The following TGFBR1 variants were observed in gnomAD, a reference collection of about 807,000 sequenced individuals.
TGFBR1 encodes the protein TGF-beta receptor type-1.
Under a neutral mutation model 55.1 loss-of-function variants are expected in TGFBR1, and 20 were observed. The ratio of observed to expected loss-of-function variants is 0.36; its 90% CI spans 0.26 to 0.53. TGFBR1 has a LOEUF of 0.53. TGFBR1 is among the 20% of genes least tolerant of loss of function. TGFBR1 has a pLI of 0.91. For synonymous variants in TGFBR1, 220 were observed against 214.8 expected (o/e 1.02, Z -0.21); for missense variants, 385 against 617.6 (o/e 0.62, Z 3.99).
chr9:99,152,986 T>C lies in TGFBR1; in HGVS notation c.*3681T>C, dbSNP rs932330817. ...TATGGTTAATAACATTCAACCTGTT[T>C]ATTACAACTTAAAAGGAACTTCAGT... On this transcript the variant is annotated 3_prime_UTR_variant, in exon 9 of 9. Coordinates refer to ENST00000374994, the MANE Select transcript of TGFBR1 (RefSeq NM_004612.4). 5 of 228,886 alleles carry C rather than the reference T, an allele frequency of 2.2e-5. No individual in the cohort carries two copies. Among genetic ancestry groups the C allele is most frequent in the African/African-American group, 1.1e-4 (5 of 45,146 alleles). 14.2% of individuals were successfully genotyped at this position (228,886 alleles called of 1,614,324 possible). A position where few individuals can be genotyped will look rare whatever the true frequency, so the allele number is the denominator to read the frequency against.
intron 4 of TGFBR1, among the ~76,000 whole-genome samples, chr9:99,142,312 ACT>A (rs1168123102): frequency 6.6e-6 from 1 of 152,186 alleles, no homozygotes; most frequent in Non-Finnish European, 1.5e-5. Context: ...GATTAATTAT[ACT>A]TGCCTTATCT....
At chr9:99,139,098 C>A (rs982928162) in intron 4 of TGFBR1, among the ~76,000 whole-genome samples, 12 of 151,860 alleles carry the variant, frequency 7.9e-5, no homozygotes, top group Non-Finnish European at 1.3e-4. Context: ...GCCCAGCCCC[C>A]ACGATTCCTA....
At position 99,153,907 on chromosome 9, in the gene TGFBR1, A is replaced by G. The variant is rs200142533; in HGVS notation, c.*4602A>G. 7 of 214,418 alleles carry G rather than the reference A, an allele frequency of 3.3e-5. No individual in the cohort carries two copies. Among genetic ancestry groups the G allele is most frequent in the Admixed American group, 5.8e-5 (1 of 17,096 alleles). The allele number at this position is 214,418 out of a possible 1,614,324, so 13.3% of individuals were successfully genotyped here. ...ATTGGGGCATGATGGACCTGTCTAC[A>G]GGTGATCTCTGTTGCCTTTGGGTCA... On this transcript the variant is annotated 3_prime_UTR_variant, in exon 9 of 9. Transcript: ENST00000374994.
At position 99,147,641 on chromosome 9, in the gene TGFBR1, T is replaced by A. The variant is rs200979110; in HGVS notation, c.1256-13T>A. The stretch of plus-strand genomic sequence containing the variant: ...AAATTCATCAAAATTTAATTTTTTT[T>A]AAACTGATACAGGAATTCATGAAGA... On this transcript the variant is annotated splice_polypyrimidine_tract_variant and intron_variant, in intron 7 of 8. Coordinates refer to ENST00000374994, the MANE Select transcript of TGFBR1 (RefSeq NM_004612.4). 26 of 1,611,412 alleles carry A rather than the reference T, an allele frequency of 1.6e-5. No individual in the cohort carries two copies. The highest frequency in any genetic ancestry group is 2.7e-5 in the African/African-American group (2 of 74,884).
At chr9:99,114,928 ATTACT>A (rs1321999916) in intron 1 of TGFBR1, among the ~76,000 whole-genome samples, 1 of 152,062 alleles carries the variant, frequency 6.6e-6, no homozygotes, top group Non-Finnish European at 1.5e-5. Context: ...GTTCGGAATG[ATTACT>A]TTAGGAGAGA....
chr9:99,110,378 T>TA (rs1826532383), intron 1 of TGFBR1, among the ~76,000 whole-genome samples: 1 of 152,202 alleles, frequency 6.6e-6, no homozygotes, highest in African/African-American at 2.4e-5. Flanking sequence ...CCATGGCTAA[T>TA]ACGGCATCAT....
In TGFBR1 at chr9:99,132,497, G is replaced by GC; in HGVS notation, c.344-9dup. 1 of 1,613,746 alleles carries GC rather than the reference G, an allele frequency of 6.2e-7. No homozygotes were observed. Among genetic ancestry groups the GC allele is most frequent in the Non-Finnish European group, 8.5e-7 (1 of 1,180,006 alleles). ...GTTGTTGATGTTTATTTCACTCGAG[G>GC]CCCTTTTTCAGTAAAGTCATCACCT... On this transcript the variant is annotated splice_polypyrimidine_tract_variant and intron_variant, in intron 2 of 8. Coordinates refer to ENST00000374994, the MANE Select transcript of TGFBR1 (RefSeq NM_004612.4).
chr9:99,111,705 TAA>T (rs1393812529), intron 1 of TGFBR1, among the ~76,000 whole-genome samples: 1 of 152,164 alleles, frequency 6.6e-6, no homozygotes, highest in Middle Eastern at 3.2e-3. Flanking sequence ...TGAAAGCTAA[TAA>T]AAGTGTTTAA....
At chr9:99,147,574 G>A in intron 7 of TGFBR1, 80 bp from the exon 8 acceptor site, 1 of 1,314,520 alleles carries the variant, frequency 7.6e-7, no homozygotes, top group Non-Finnish European at 1.1e-6. Flanking sequence ...CACTGTAATA[G>A]GTCTCTCAGG....
intron 1 of TGFBR1, chr9:99,127,981 A>G (rs562609002): frequency 4.4e-6 from 2 of 456,054 alleles, no homozygotes; most frequent in African/African-American, 2.0e-5. Flanking sequence ...TAGGAGAAAG[A>G]AAAACAAAAC....
chr9:99,112,090 G>A (rs1415078765), intron 1 of TGFBR1, among the ~76,000 whole-genome samples: 1 of 152,164 alleles, frequency 6.6e-6, no homozygotes, highest in Non-Finnish European at 1.5e-5. Context: ...TAAAGGGTGG[G>A]CTCAGAGAAT....
At chr9:99,125,521 T>A (rs964059600) in intron 1 of TGFBR1, among the ~76,000 whole-genome samples, 2 of 152,246 alleles carry the variant, frequency 1.3e-5, no homozygotes. Flanking sequence ...TATATGGTAT[T>A]GGCTGTTAGG....
At chr9:99,124,546 C>T (rs1826981464) in intron 1 of TGFBR1, among the ~76,000 whole-genome samples, 1 of 151,582 alleles carries the variant, frequency 6.6e-6, no homozygotes, top group Non-Finnish European at 1.5e-5. Context: ...TATCCAGGGG[C>T]CAAATCTATC....
In TGFBR1 at chr9:99,153,880, C is replaced by A. The variant is rs199690272; in HGVS notation, c.*4575C>A. 7.0e-5 allele frequency: 15 copies of A among 214,130 alleles called. No individual in the cohort carries two copies. In the Middle Eastern group the frequency reaches 4.2e-3, roughly 60 times the overall value. 13.3% of individuals were successfully genotyped at this position (214,130 alleles called of 1,614,324 possible). On this transcript the variant is annotated 3_prime_UTR_variant, in exon 9 of 9. Coordinates refer to ENST00000374994, the MANE Select transcript of TGFBR1 (RefSeq NM_004612.4). ...CCACATGCTTAGGGGTGTGGGTCTT[C>A]CATTGGGGCATGATGGACCTGTCTA...
chr9:99,108,900 G>A (rs1464881905), intron 1 of TGFBR1, among the ~76,000 whole-genome samples: 1 of 152,138 alleles, frequency 6.6e-6, no homozygotes. Context: ...GCATTCAAAT[G>A]GTGGAAGTCC....
chr9:99,117,805 G>A (rs1043785253), intron 1 of TGFBR1, among the ~76,000 whole-genome samples: 2 of 152,064 alleles, frequency 1.3e-5, no homozygotes, highest in African/African-American at 4.8e-5. Context: ...TTATTCTTGC[G>A]ATGTTGTTTT....
intron 1 of TGFBR1, among the ~76,000 whole-genome samples, chr9:99,115,915 G>C (rs1158127679): frequency 6.6e-6 from 1 of 152,102 alleles, no homozygotes; most frequent in Non-Finnish European, 1.5e-5. Flanking sequence ...CCAGAGTCTG[G>C]TCATGTTTGT....
Position 99,132,630 on chromosome 9 carries a change from CCAT to C in TGFBR1, c.467_469del (p.His156del). 1 of 1,614,186 alleles carries C rather than the reference CCAT, an allele frequency of 6.2e-7. No homozygotes were observed. The highest frequency in any genetic ancestry group is 2.2e-5 in the East Asian group (1 of 44,886). On this transcript the variant is annotated inframe_deletion, in exon 3 of 9. Transcript: ENST00000374994. ...TCTGCCACAACCGCACTGTCATTCA[CCAT>C]CGAGTGCCAAATGAAGAGGACCCTT...
chr9:99,132,073 G>GT (rs936696350), intron 2 of TGFBR1, among the ~76,000 whole-genome samples: 8 of 150,556 alleles, frequency 5.3e-5, no homozygotes, highest in East Asian at 3.9e-4. Flanking sequence ...ATATTTTGTT[G>GT]TTTTTTTTGT....
Sources: gnomAD v4.1 joint callset for allele counts (sites outside exome capture counted in the v4.1 genomes callset) on GRCh38, gnomAD v4.1.1 for gene constraint, MANE v1.5 for transcripts, NCBI Gene and HGNC (gene_info 2026-07-23, HGNC 2026-07-21) for gene names.